The following KCNC4 variants were observed in gnomAD, a reference collection of about 807,000 sequenced individuals.
The protein encoded by KCNC4 is potassium voltage-gated channel subfamily C member 4, also known as voltage-gated potassium channel KCNC4.
In KCNC4, 23 loss-of-function variants were observed where a neutral mutation model predicts 42.8. The ratio of observed to expected loss-of-function variants is 0.54; its 90% CI spans 0.39 to 0.76. KCNC4 has a LOEUF of 0.76. Ranked by LOEUF, KCNC4 falls within the 30% of genes least tolerant of loss-of-function variation. The pLI is 0.00. For missense variants in KCNC4, 751 were observed against 898.2 expected, an observed-to-expected ratio of 0.84 and a Z score of 2.10; for synonymous variants, 422 against 393.5, an observed-to-expected ratio of 1.07 and a Z score of -0.86.
rs141589018 is a variant in KCNC4, at chr1:110,273,264, C to T, written n.31-9270C>T. On this transcript the variant is annotated intron_variant and non_coding_transcript_variant, in intron 1 of 2. Transcript: ENST00000412512. ...CTCATTTATTGTACATAGATATGGG[C>T]CTGACCCTAGGCTTGGTGCTAAGGA... is the stretch of plus-strand genomic sequence containing the variant. Among the ~76,000 whole-genome samples the T allele has an allele frequency of 7.2e-5, 11 of 152,290 alleles. No homozygotes were observed. In the East Asian group the frequency reaches 2.1e-3, roughly 29 times the overall value.
intron 3 of KCNC4, 127 bp downstream of exon 3, chr1:110,226,305 A>AC (rs749662119): frequency 5.4e-6 from 4 of 736,032 alleles, no homozygotes; most frequent in Non-Finnish European, 9.6e-6. Context: ...CCTTGGATGC[A>AC]CCCCCACTTT....
chr1:110,281,845 A>C (rs991204460), intron 1 of KCNC4, among the ~76,000 whole-genome samples: 6 of 152,186 alleles, frequency 3.9e-5, no homozygotes, highest in Non-Finnish European at 7.4e-5. Flanking sequence ...AGCCAGCCTC[A>C]GGGAGAGTCC....
At chr1:110,263,272 C>T (rs1659484129) in intron 1 of KCNC4, among the ~76,000 whole-genome samples, 2 of 151,956 alleles carry the variant, frequency 1.3e-5, no homozygotes, top group South Asian at 4.1e-4. Flanking sequence ...TGTTCTGGGC[C>T]AAAATACATT....
At chr1:110,259,191 A>G (rs954005174) in intron 1 of KCNC4, among the ~76,000 whole-genome samples, 9 of 152,286 alleles carry the variant, frequency 5.9e-5, no homozygotes, top group Admixed American at 3.3e-4. Context: ...ACTGTCCCCA[A>G]GGAAATTGTT....
At position 110,211,633 on chromosome 1, in the gene KCNC4, C is replaced by A; in HGVS notation, c.134C>A (p.Thr45Lys). The A allele has an allele frequency of 1.2e-6, 2 of 1,613,878 alleles. No homozygotes were observed. The highest frequency in any genetic ancestry group is 1.7e-6 in the Non-Finnish European group (2 of 1,179,940). The change falls in exon 1 of 4, where the codon ACG (threonine) becomes AAG (lysine). Residue 45 changes from threonine to lysine, a missense_variant. Thr to Lys is a moderately conservative substitution (Grantham distance 78). This residue lies in a region of KCNC4 where 183 missense variants were observed against 255.8 expected (regional missense o/e 0.72). Transcript: ENST00000438661. The surrounding 1 kb of genome is among the most constrained non-coding windows in gnomAD (Gnocchi z 6.5). ...AAGATCATCATCAACGTGGGCGGCA[C>A]GCGACATGAGACCTACCGCAGCACC... ...SEKIIINVGG[T>K]RHETYRSTLR...
In KCNC4 at chr1:110,211,371, G is replaced by A. The variant is rs1433438542; in HGVS notation, c.-129G>A. ...GGATAGGCAGGGGCAAGCCCAAGCC[G>A]CAGAGGGGGCCGCCACCGCCTCCTG... is the stretch of plus-strand genomic sequence containing the variant. On this transcript the variant is annotated 5_prime_UTR_variant, in exon 1 of 4. Transcript: ENST00000438661. This position sits in a 1 kb window ranked among gnomAD's most constrained non-coding sequence, Gnocchi z 6.5. 5 of 1,373,696 alleles carry A rather than the reference G, an allele frequency of 3.6e-6. No homozygotes were observed. The East Asian group carries it at 7.5e-5, about 21-fold the overall frequency. 85.1% of individuals were successfully genotyped at this position (1,373,696 alleles called of 1,614,324 possible).
chr1:110,216,358 C>A (rs1657791171), intron 1 of KCNC4, among the ~76,000 whole-genome samples: 1 of 152,216 alleles, frequency 6.6e-6, no homozygotes, highest in East Asian at 1.9e-4. Flanking sequence ...CTGCCCGGGG[C>A]AGCCCCTCCA....
At chr1:110,239,509 C>T (rs1216375253) in exon 4 of KCNC4, 2 of 152,186 alleles carry the variant, frequency 1.3e-5, no homozygotes, top group Non-Finnish European at 2.9e-5. Flanking sequence ...TCCTTTGTAA[C>T]TATGAATTGT....
downstream of KCNC4, among the ~76,000 whole-genome samples, chr1:110,250,576 A>G (rs1156822396): frequency 6.6e-6 from 1 of 152,234 alleles, no homozygotes; most frequent in South Asian, 2.1e-4. Context: ...GGCCAGGGGC[A>G]CTGTCAGTGT....
chr1:110,217,034 A>C (rs1657832602), intron 1 of KCNC4, among the ~76,000 whole-genome samples: 1 of 152,188 alleles, frequency 6.6e-6, no homozygotes, highest in Non-Finnish European at 1.5e-5. Flanking sequence ...TTCAGAAAAC[A>C]CTTACTGCGT....
chr1:110,260,130 T>C (rs1330145879), intron 1 of KCNC4, among the ~76,000 whole-genome samples: 1 of 152,152 alleles, frequency 6.6e-6, no homozygotes, highest in African/African-American at 2.4e-5. Context: ...CAAGAGACAA[T>C]GTGGAATACA....
rs1404684752 is a variant in KCNC4 at position 110,212,017 on chromosome 1, C to T, written c.518C>T (p.Pro173Leu). 1 of 1,600,838 alleles carries T rather than the reference C, an allele frequency of 6.2e-7. No homozygotes were observed. The highest frequency in any genetic ancestry group is 1.1e-5 in the South Asian group (1 of 90,028). Residue 173 changes from proline (P) to leucine (L), a missense_variant, in exon 1 of 4, where the codon CCC becomes CTC. By Grantham distance (98) the Pro-to-Leu change is moderately conservative. Coordinates refer to ENST00000438661, the MANE Select transcript of KCNC4 (RefSeq NM_001039574.3). ...SPDGGGSGAG[P>L]SDEAGDDERE... is the part of the protein sequence containing the mutation. Reference sequence around the variant, plus strand: ...GACGGAGGCGGCAGCGGCGCGGGGCCCAGCGACGAGGCCGGCGACGATGAG... The same window carrying T: ...GACGGAGGCGGCAGCGGCGCGGGGCTCAGCGACGAGGCCGGCGACGATGAG...
chr1:110,260,857 G>A (rs758237994), intron 1 of KCNC4, among the ~76,000 whole-genome samples: 3 of 152,262 alleles, frequency 2.0e-5, no homozygotes, highest in African/African-American at 7.2e-5. Flanking sequence ...GTGAACCGGG[G>A]AGGCGGAGCT....
intron 1 of KCNC4, among the ~76,000 whole-genome samples, chr1:110,265,963 G>T (rs1183181808): frequency 6.6e-6 from 1 of 152,190 alleles, no homozygotes; most frequent in Non-Finnish European, 1.5e-5. Context: ...TCAGAGCACC[G>T]CAGGAATACA....
Position 110,223,030 on chromosome 1 carries a change from G to A in KCNC4, c.745G>A (p.Glu249Lys), listed in dbSNP as rs1040873870. 12 of 1,613,984 alleles carry A rather than the reference G, an allele frequency of 7.4e-6. No homozygotes were observed. The African/African-American group carries it at 1.5e-4, about 20-fold the overall frequency. The change falls in exon 2 of 4, where the codon GAG becomes AAG. Residue 249 changes from glutamate (E) to lysine (K), a missense_variant. Physicochemically the swap from Glu to Lys is moderately conservative, Grantham distance 56. Transcript: ENST00000438661. The surrounding 1 kb of genome is among the most constrained non-coding windows in gnomAD (Gnocchi z 7.5). ...SITTFCLETH[E>K]AFNIDRNVTE... ...CACCACTTTCTGCCTGGAGACCCAT[G>A]AGGCCTTTAATATCGACCGCAACGT...
Position 110,234,010 on chromosome 1 carries a change from G to C in KCNC4, c.*1038G>C, listed in dbSNP as rs1403868570. 1 of 152,246 alleles carries C rather than the reference G, an allele frequency of 6.6e-6. No individual in the cohort carries two copies. Among genetic ancestry groups the C allele is most frequent in the Non-Finnish European group, 1.5e-5 (1 of 68,090 alleles). The allele number at this position is 152,246 out of a possible 1,614,324, so 9.4% of individuals were successfully genotyped here. A position where few individuals can be genotyped will look rare whatever the true frequency, so the allele number is the denominator to read the frequency against. ...CATGCTGTGCTCGAGCCCCAATAAA[G>C]ACATCTGGAGCATCCTGCTGCTCCT... is the stretch of plus-strand genomic sequence containing the variant. On this transcript the variant is annotated 3_prime_UTR_variant, in exon 4 of 4. Transcript: ENST00000438661.
chr1:110,263,789 T>TA (rs5777009), intron 1 of KCNC4, among the ~76,000 whole-genome samples: 10,886 of 146,062 alleles, frequency 0.075, 543 homozygotes, highest in African/African-American at 0.14. Context: ...CCTTCCTCTC[T>TA]AAAAAAAAAA....
chr1:110,266,506 T>C (rs960989274), intron 1 of KCNC4, among the ~76,000 whole-genome samples: 1 of 152,220 alleles, frequency 6.6e-6, no homozygotes, highest in Non-Finnish European at 1.5e-5. Context: ...AGGCTTGCTC[T>C]AAGCACTTTA....
At chr1:110,254,102 G>C (rs949442101), downstream of KCNC4, among the ~76,000 whole-genome samples, 3 of 61,868 alleles carry the variant, frequency 4.8e-5, no homozygotes, top group Admixed American at 1.3e-4. Flanking sequence ...GGGGGGGGGC[G>C]GCGTTTCTGT....
Sources: allele counts gnomAD v4.1 joint callset (sites outside exome capture counted in the v4.1 genomes callset), GRCh38; gene constraint gnomAD v4.1.1; regional missense constraint gnomAD v4.1.1; non-coding constraint Gnocchi (gnomAD v3.1); transcripts MANE v1.5; gene names NCBI Gene and HGNC (gene_info 2026-07-23, HGNC 2026-07-21).